The following FOXC1 variants were observed in gnomAD, a reference collection of about 807,000 sequenced individuals.
FOXC1 encodes forkhead box C1.
Under a neutral mutation model 8.1 loss-of-function variants are expected in FOXC1, and 5 were observed. The observed-to-expected ratio is 0.62, with a 90% CI of 0.32 to 1.30. FOXC1 has a LOEUF of 1.30. FOXC1 is among the 50% of genes most tolerant of loss of function. The probability of loss-of-function intolerance (pLI) is 0.05; values close to 1 mark genes in which losing one functional copy is unlikely to be tolerated. For synonymous variants in FOXC1, 552 were observed against 417.2 expected (o/e 1.32, Z -3.94); for missense variants, 942 against 858.0 (o/e 1.10, Z -1.22).
chr6:1,612,018 G>A lies in FOXC1; in HGVS notation c.1573G>A (p.Gly525Arg), dbSNP rs765972319. 6.2e-6 allele frequency: 10 copies of A among 1,613,162 alleles called. No homozygotes were observed. Among genetic ancestry groups the A allele is most frequent in the South Asian group, 1.1e-5 (1 of 91,026 alleles). Residue 525 changes from glycine to arginine, a missense_variant, in exon 1 of 1, where the codon GGG (glycine) becomes AGG (arginine). By Grantham distance (125) the Gly-to-Arg change is moderately radical. This residue lies in a region of FOXC1 where 726 missense variants were observed against 599.6 expected (regional missense o/e 1.21). Coordinates refer to ENST00000645831, the MANE Select transcript of FOXC1 (RefSeq NM_001453.3). ...CGGCTTGAACAACTCTCCAGTGAACGGGAATAGTAGCTGTCAAATGGCCTT... is the reference window on the plus strand; with the variant it reads ...CGGCTTGAACAACTCTCCAGTGAACAGGAATAGTAGCTGTCAAATGGCCTT... ...RIGLNNSPVN[G>R]NSSCQMAFPS...
At position 1,611,853 on chromosome 6, in the gene FOXC1, C is replaced by T; in HGVS notation, c.1408C>T (p.Leu470Phe). The change falls in exon 1 of 1, where the codon CTC becomes TTC. Residue 470 changes from leucine (L) to phenylalanine (F), a missense_variant. Transcript: ENST00000645831. The surrounding 1 kb of genome is among the most constrained non-coding windows in gnomAD (Gnocchi z 7.1). ...GHHPAAHQGR[L>F]TSWYLNQAGG... ...CCACCCTGCGGCCCACCAAGGCCGC[C>T]TCACCTCGTGGTACCTGAACCAGGC... 2 of 1,539,460 alleles carry T rather than the reference C, an allele frequency of 1.3e-6. No individual in the cohort carries two copies. Among genetic ancestry groups the T allele is most frequent in the Non-Finnish European group, 1.8e-6 (2 of 1,141,930 alleles).
At position 1,611,495 on chromosome 6, in the gene FOXC1, C is replaced by T. The variant is rs767285866; in HGVS notation, c.1050C>T (p.Leu350=). 372 of 1,374,776 alleles carry T rather than the reference C, an allele frequency of 2.7e-4. 2 individuals are homozygous for T. In the African/African-American group the frequency reaches 5.2e-3, roughly 19 times the overall value. 85.2% of individuals were successfully genotyped at this position (1,374,776 alleles called of 1,614,324 possible). ...SRAGIAPPLA[L]GAYSPGQSSL... ...CGGGGATCGCACCCCCGCTGGCGCT[C>T]GGCGCCTACTCGCCCGGCCAGAGCT... The change falls in exon 1 of 1, where the codon CTC becomes CTT. Residue 350 remains leucine, a synonymous_variant. Coordinates refer to ENST00000645831, the MANE Select transcript of FOXC1 (RefSeq NM_001453.3). The surrounding 1 kb of genome is among the most constrained non-coding windows in gnomAD (Gnocchi z 7.1).
Position 1,612,050 on chromosome 6 carries a change from C to T in FOXC1, c.1605C>T (p.Ser535=). The change falls in exon 1 of 1, where the codon TCC becomes TCT. Residue 535 remains serine (S), a synonymous_variant. Transcript: ENST00000645831. ...GTAGCTGTCAAATGGCCTTCCCTTC[C>T]AGCCAGTCTCTGTACCGCACGTCCG... ...GNSSCQMAFP[S]SQSLYRTSGA... is the part of the protein sequence containing the mutation. 1.2e-6 allele frequency: 2 copies of T among 1,614,046 alleles called. No homozygotes were observed. The highest frequency in any genetic ancestry group is 1.7e-6 in the Non-Finnish European group (2 of 1,180,028).
Position 1,611,836 on chromosome 6 carries a change from C to G in FOXC1, c.1391C>G (p.Ala464Gly). 1 of 1,529,524 alleles carries G rather than the reference C, an allele frequency of 6.5e-7. No homozygotes were observed. Among genetic ancestry groups the G allele is most frequent in the Non-Finnish European group, 8.8e-7 (1 of 1,138,942 alleles). 94.7% of individuals were successfully genotyped at this position (1,529,524 alleles called of 1,614,324 possible). ...GGCCAGGAGGCCGGCCACCACCCTG[C>G]GGCCCACCAAGGCCGCCTCACCTCG... ...GGGQEAGHHPAAHQGRLTSWY... is the reference protein window; with the variant it reads ...GGGQEAGHHPGAHQGRLTSWY... The change falls in exon 1 of 1, where the codon GCG becomes GGG. Residue 464 changes from alanine to glycine, a missense_variant. By Grantham distance (60) the Ala-to-Gly change is moderately conservative. Coordinates refer to ENST00000645831, the MANE Select transcript of FOXC1 (RefSeq NM_001453.3). The surrounding 1 kb of genome is among the most constrained non-coding windows in gnomAD (Gnocchi z 7.1).
In FOXC1 at chr6:1,611,759, C is replaced by G; in HGVS notation, c.1314C>G (p.Ser438Arg). 1 of 1,473,360 alleles carries G rather than the reference C, an allele frequency of 6.8e-7. No homozygotes were observed. Among genetic ancestry groups the G allele is most frequent in the Non-Finnish European group, 8.9e-7 (1 of 1,118,772 alleles). 91.3% of individuals were successfully genotyped at this position (1,473,360 alleles called of 1,614,324 possible). A position where few individuals can be genotyped will look rare whatever the true frequency, so the allele number is the denominator to read the frequency against. Residue 438 changes from serine to arginine, a missense_variant, in exon 1 of 1, where the codon AGC becomes AGG. By Grantham distance (110) the Ser-to-Arg change is moderately radical. Transcript: ENST00000645831. This position sits in a 1 kb window ranked among gnomAD's most constrained non-coding sequence, Gnocchi z 7.1. ...LPDYSLPPVTSSSSSSLSHGG... is the reference protein window; with the variant it reads ...LPDYSLPPVTRSSSSSLSHGG... ...ACTACTCTCTGCCTCCGGTCACCAG[C>G]AGCAGCTCGTCGTCCCTGAGTCACG...
At position 1,611,642 on chromosome 6, in the gene FOXC1, C is replaced by T; in HGVS notation, c.1197C>T (p.Ala399=). 1.5e-6 allele frequency: 2 copies of T among 1,358,694 alleles called. No individual in the cohort carries two copies. Among genetic ancestry groups the T allele is most frequent in the African/African-American group, 1.6e-5 (1 of 63,902 alleles). 84.2% of individuals were successfully genotyped at this position (1,358,694 alleles called of 1,614,324 possible). The change falls in exon 1 of 1, where the codon GCC becomes GCT. Residue 399 remains alanine, a synonymous_variant. Transcript: ENST00000645831. The surrounding 1 kb of genome is among the most constrained non-coding windows in gnomAD (Gnocchi z 7.1). ...GAGTYHCNLQ[A]MSLYAAGERG... ...GGACCTACCACTGCAACCTGCAAGC[C>T]ATGAGCCTGTACGCGGCCGGCGAGC... is the stretch of plus-strand genomic sequence containing the variant.
chr6:1,611,735 C>T lies in FOXC1; in HGVS notation c.1290C>T (p.Asp430=). ...GGSAVDDPLP[D]YSLPPVTSSS... is the part of the protein sequence containing the mutation. ...CGGCCGTGGACGACCCCCTGCCCGA[C>T]TACTCTCTGCCTCCGGTCACCAGCA... The change falls in exon 1 of 1, where the codon GAC becomes GAT. Residue 430 remains aspartate (D), a synonymous_variant. Coordinates refer to ENST00000645831, the MANE Select transcript of FOXC1 (RefSeq NM_001453.3). This position sits in a 1 kb window ranked among gnomAD's most constrained non-coding sequence, Gnocchi z 7.1. The T allele has an allele frequency of 6.8e-7, 1 of 1,469,362 alleles. No individual in the cohort carries two copies. Among genetic ancestry groups the T allele is most frequent in the Non-Finnish European group, 9.0e-7 (1 of 1,116,970 alleles). The allele number at this position is 1,469,362 out of a possible 1,614,324, so 91.0% of individuals were successfully genotyped here.
chr6:1,612,799 TAATA>T lies in FOXC1; in HGVS notation c.*696_*699del, dbSNP rs1273050921. 9 of 207,832 alleles carry T rather than the reference TAATA, an allele frequency of 4.3e-5. No homozygotes were observed. The highest frequency in any genetic ancestry group is 7.5e-5 in the Non-Finnish European group (7 of 92,886). 12.9% of individuals were successfully genotyped at this position (207,832 alleles called of 1,614,324 possible). A position where few individuals can be genotyped will look rare whatever the true frequency, so the allele number is the denominator to read the frequency against. On this transcript the variant is annotated 3_prime_UTR_variant, in exon 1 of 1. Transcript: ENST00000645831. ...TTGAACATATTCATTGTTTGTTTAT[TAATA>T]AATTACCATTCAGTTTGAATGAGAC...
rs1762582815 is a variant in FOXC1, at chr6:1,612,949, A to G, written c.*842A>G. 1 of 221,774 alleles carries G rather than the reference A, an allele frequency of 4.5e-6. No homozygotes were observed. The highest frequency in any genetic ancestry group is 9.8e-6 in the Non-Finnish European group (1 of 101,924). 13.7% of individuals were successfully genotyped at this position (221,774 alleles called of 1,614,324 possible). On this transcript the variant is annotated 3_prime_UTR_variant, in exon 1 of 1. Transcript: ENST00000645831. ...TGAAAAATGGAGAAACCCTCTGACT[A>G]GTCCATGTCAAATTTTACTAAAAGT...
In FOXC1 at chr6:1,612,956, G is replaced by A. The variant is rs907364869; in HGVS notation, c.*849G>A. 3.6e-5 allele frequency: 8 copies of A among 221,944 alleles called. No homozygotes were observed. The highest frequency in any genetic ancestry group is 6.9e-5 in the Non-Finnish European group (7 of 102,098). The allele number at this position is 221,944 out of a possible 1,614,324, so 13.7% of individuals were successfully genotyped here. The stretch of plus-strand genomic sequence containing the variant: ...TGGAGAAACCCTCTGACTAGTCCAT[G>A]TCAAATTTTACTAAAAGTCTTTTTG... On this transcript the variant is annotated 3_prime_UTR_variant, in exon 1 of 1. Transcript: ENST00000645831.
At position 1,613,883 on chromosome 6, in the gene FOXC1, A is replaced by G. The variant is rs533700893; in HGVS notation, c.*1776A>G. On this transcript the variant is annotated 3_prime_UTR_variant, in exon 1 of 1. Transcript: ENST00000645831. ...GGATTGCTGCAAATAAATACACTTT[A>G]ATTTCAGTCAAAAACTGCTCTACGT... 70 of 199,286 alleles carry G rather than the reference A, an allele frequency of 3.5e-4. No homozygotes were observed. The highest frequency in any genetic ancestry group is 5.9e-4 in the Non-Finnish European group (51 of 86,994). 12.3% of individuals were successfully genotyped at this position (199,286 alleles called of 1,614,324 possible). A position where few individuals can be genotyped will look rare whatever the true frequency, so the allele number is the denominator to read the frequency against.
At position 1,611,503 on chromosome 6, in the gene FOXC1, A is replaced by C; in HGVS notation, c.1058A>C (p.Tyr353Ser). 2 of 1,368,884 alleles carry C rather than the reference A, an allele frequency of 1.5e-6. No homozygotes were observed. The highest frequency in any genetic ancestry group is 1.9e-6 in the Non-Finnish European group (2 of 1,055,744). 84.8% of individuals were successfully genotyped at this position (1,368,884 alleles called of 1,614,324 possible). ...GCACCCCCGCTGGCGCTCGGCGCCTACTCGCCCGGCCAGAGCTCCCTCTAC... is the reference window on the plus strand; with the variant it reads ...GCACCCCCGCTGGCGCTCGGCGCCTCCTCGCCCGGCCAGAGCTCCCTCTAC... Reference protein sequence around the residue: ...GIAPPLALGAYSPGQSSLYSS... With the variant: ...GIAPPLALGASSPGQSSLYSS... The change falls in exon 1 of 1, where the codon TAC becomes TCC. Residue 353 changes from tyrosine to serine, a missense_variant. Tyr to Ser is a moderately radical substitution (Grantham distance 144). This residue lies in a region of FOXC1 where 726 missense variants were observed against 599.6 expected (regional missense o/e 1.21). Transcript: ENST00000645831. This position sits in a 1 kb window ranked among gnomAD's most constrained non-coding sequence, Gnocchi z 7.1.
chr6:1,611,605 C>A lies in FOXC1; in HGVS notation c.1160C>A (p.Ala387Glu). 1 of 1,184,032 alleles carries A rather than the reference C, an allele frequency of 8.4e-7. No homozygotes were observed. The highest frequency in any genetic ancestry group is 1.6e-5 in the African/African-American group (1 of 60,822). The allele number at this position is 1,184,032 out of a possible 1,614,324, so 73.3% of individuals were successfully genotyped here. Reference sequence around the variant, plus strand: ...GGCGGCGCGGGGGCCGCGGGGGGCGCGGGCGGCGCCGGGACCTACCACTGC... The same window carrying A: ...GGCGGCGCGGGGGCCGCGGGGGGCGAGGGCGGCGCCGGGACCTACCACTGC... ...GGGGAGAAGG[A>E]GGAGTYHCNL... The change falls in exon 1 of 1, where the codon GCG becomes GAG. Residue 387 changes from alanine to glutamate, a missense_variant. Ala to Glu is a moderately radical substitution (Grantham distance 107). This residue lies in a region of FOXC1 where 726 missense variants were observed against 599.6 expected (regional missense o/e 1.21). Transcript: ENST00000645831. The surrounding 1 kb of genome is among the most constrained non-coding windows in gnomAD (Gnocchi z 7.1).
In FOXC1 at chr6:1,611,471, G is replaced by T; in HGVS notation, c.1026G>T (p.Ala342=). ...CCTCGGCGGCCGCGTCCTCGCGCGC[G>T]GGGATCGCACCCCCGCTGGCGCTCG... ...LLASAAASSR[A]GIAPPLALGA... is the part of the protein sequence containing the mutation. Residue 342 remains alanine, a synonymous_variant, in exon 1 of 1, where the codon GCG becomes GCT. Transcript: ENST00000645831. This position sits in a 1 kb window ranked among gnomAD's most constrained non-coding sequence, Gnocchi z 7.1. 1 of 1,384,050 alleles carries T rather than the reference G, an allele frequency of 7.2e-7. No homozygotes were observed. Among genetic ancestry groups the T allele is most frequent in the Non-Finnish European group, 9.4e-7 (1 of 1,066,210 alleles). 85.7% of individuals were successfully genotyped at this position (1,384,050 alleles called of 1,614,324 possible). A position where few individuals can be genotyped will look rare whatever the true frequency, so the allele number is the denominator to read the frequency against.
rs985824070 is a variant in FOXC1, at chr6:1,611,804, C to A, written c.1359C>A (p.Gly453=). 1.4e-6 allele frequency: 2 copies of A among 1,458,836 alleles called. No homozygotes were observed. The highest frequency in any genetic ancestry group is 9.0e-7 in the Non-Finnish European group (1 of 1,109,566). The allele number at this position is 1,458,836 out of a possible 1,614,324, so 90.4% of individuals were successfully genotyped here. A position where few individuals can be genotyped will look rare whatever the true frequency, so the allele number is the denominator to read the frequency against. The change falls in exon 1 of 1, where the codon GGC becomes GGA. Residue 453 remains glycine (G), a synonymous_variant. Coordinates refer to ENST00000645831, the MANE Select transcript of FOXC1 (RefSeq NM_001453.3). This position sits in a 1 kb window ranked among gnomAD's most constrained non-coding sequence, Gnocchi z 7.1. The part of the protein sequence containing the change: ...SLSHGGGGGG[G]GGGQEAGHHP... ...GTCACGGCGGCGGCGGCGGCGGCGG[C>A]GGGGGAGGCCAGGAGGCCGGCCACC...
Position 1,610,440 on chromosome 6 carries a change from G to A in FOXC1, c.-6G>A, listed in dbSNP as rs911809102. On this transcript the variant is annotated 5_prime_UTR_variant, in exon 1 of 1. Coordinates refer to ENST00000645831, the MANE Select transcript of FOXC1 (RefSeq NM_001453.3). The stretch of plus-strand genomic sequence containing the variant: ...GGGCGGCGCGGGGCGGCGGCGAGCG[G>A]GGGCCATGCAGGCGCGCTACTCCGT... The A allele has an allele frequency of 2.3e-6, 3 of 1,302,430 alleles. No homozygotes were observed. In the Admixed American group the frequency reaches 1.3e-4, roughly 55 times the overall value. 80.7% of individuals were successfully genotyped at this position (1,302,430 alleles called of 1,614,324 possible).
In FOXC1 at chr6:1,611,258, C is replaced by T; in HGVS notation, c.813C>T (p.Ser271=). ...DSSSSSLSSG[S]SPPGSLPSAR... is the part of the protein sequence containing the mutation. ...GCAGCAGCAGCCTGTCCAGCGGGAGCAGCCCCCCGGGCAGCCTGCCGTCGG... is the reference window on the plus strand; with the variant it reads ...GCAGCAGCAGCCTGTCCAGCGGGAGTAGCCCCCCGGGCAGCCTGCCGTCGG... The change falls in exon 1 of 1, where the codon AGC becomes AGT. Residue 271 remains serine (S), a synonymous_variant. Transcript: ENST00000645831. The surrounding 1 kb of genome is among the most constrained non-coding windows in gnomAD (Gnocchi z 7.1). The T allele has an allele frequency of 1.4e-6, 2 of 1,423,318 alleles. No homozygotes were observed. The highest frequency in any genetic ancestry group is 1.8e-6 in the Non-Finnish European group (2 of 1,088,102). The allele number at this position is 1,423,318 out of a possible 1,614,324, so 88.2% of individuals were successfully genotyped here.
chr6:1,613,304 TATTTC>T lies in FOXC1; in HGVS notation c.*1199_*1203del. 4.3e-6 allele frequency: 1 copy of T among 230,738 alleles called. No homozygotes were observed. The allele number at this position is 230,738 out of a possible 1,614,324, so 14.3% of individuals were successfully genotyped here. On this transcript the variant is annotated 3_prime_UTR_variant, in exon 1 of 1. Transcript: ENST00000645831. ...AGATGCTGAATAGATATTTTCCTAT[TATTTC>T]AGTCCTTTATAAAAGGAAAAATAAA...
Position 1,612,968 on chromosome 6 carries a change from TAA to T in FOXC1, c.*864_*865del, listed in dbSNP as rs1762583148. The T allele has an allele frequency of 9.0e-6, 2 of 223,080 alleles. No individual in the cohort carries two copies. The highest frequency in any genetic ancestry group is 2.3e-5 in the African/African-American group (1 of 43,996). The allele number at this position is 223,080 out of a possible 1,614,324, so 13.8% of individuals were successfully genotyped here. A position where few individuals can be genotyped will look rare whatever the true frequency, so the allele number is the denominator to read the frequency against. On this transcript the variant is annotated 3_prime_UTR_variant, in exon 1 of 1. Coordinates refer to ENST00000645831, the MANE Select transcript of FOXC1 (RefSeq NM_001453.3). ...CTGACTAGTCCATGTCAAATTTTAC[TAA>T]AAGTCTTTTTGTTTAGATTTATTTT...
Sources: gnomAD v4.1 joint callset for allele counts on GRCh38, gnomAD v4.1.1 for gene constraint, gnomAD v4.1.1 regional missense constraint, Gnocchi (gnomAD v3.1) non-coding constraint, MANE v1.5 for transcripts, NCBI Gene and HGNC (gene_info 2026-07-23, HGNC 2026-07-21) for gene names.